Variants in PACRG observed in about 807,000 individuals in gnomAD.
PACRG encodes the protein parkin coregulated, also known as parkin coregulated gene protein.
In PACRG, 29 loss-of-function variants were observed where a neutral mutation model predicts 29.7. The ratio of observed to expected loss-of-function variants is 0.98; its 90% CI spans 0.73 to 1.33. The LOEUF is 1.33. Among genes scored for constraint, PACRG ranks in the 40% most tolerant of loss-of-function variants. The pLI is 0.00. For synonymous variants in PACRG, 116 were observed against 118.7 expected (o/e 0.98, Z 0.15); for missense variants, 279 against 316.2 (o/e 0.88, Z 0.89).
At chr6:162,784,503 T>C (rs1784313979) in intron 1 of PACRG, among the ~76,000 whole-genome samples, 1 of 152,182 alleles carries the variant, frequency 6.6e-6, no homozygotes, top group Non-Finnish European at 1.5e-5. Context: ...GCTTGTACTA[T>C]TTTCAGACAC....
chr6:162,759,312 T>C (rs1224084381), intron 1 of PACRG, among the ~76,000 whole-genome samples: 3 of 152,156 alleles, frequency 2.0e-5, no homozygotes, highest in Non-Finnish European at 4.4e-5. Flanking sequence ...GTGTGGGTAT[T>C]GGGCTAGAAT....
chr6:162,756,704 G>A (rs779435580), intron 1 of PACRG, among the ~76,000 whole-genome samples: 4 of 151,816 alleles, frequency 2.6e-5, no homozygotes, highest in Non-Finnish European at 5.9e-5. Context: ...TTTTATTGTT[G>A]TTTTGTAGTT....
chr6:162,918,728 G>A (rs545252220), intron 2 of PACRG, among the ~76,000 whole-genome samples: 1 of 152,260 alleles, frequency 6.6e-6, no homozygotes, highest in South Asian at 2.1e-4. Flanking sequence ...ATGTTCAGTT[G>A]ATTAATTTGG....
chr6:163,145,739 T>G (rs1032898926), intron 4 of PACRG, among the ~76,000 whole-genome samples: 1 of 152,104 alleles, frequency 6.6e-6, no homozygotes, highest in African/African-American at 2.4e-5. Flanking sequence ...GGCATGGAAG[T>G]TTTGGTTGTT....
chr6:162,851,080 G>A (rs1366338858), intron 2 of PACRG, among the ~76,000 whole-genome samples: 1 of 152,254 alleles, frequency 6.6e-6, no homozygotes, highest in Non-Finnish European at 1.5e-5. Flanking sequence ...TGCGGCGGCA[G>A]TGGGGTGAGA....
chr6:162,774,668 T>C (rs1213910162), intron 1 of PACRG, among the ~76,000 whole-genome samples: 3 of 152,218 alleles, frequency 2.0e-5, no homozygotes, highest in South Asian at 2.1e-4. Flanking sequence ...CCATCTCTAC[T>C]GTATTTAGTT....
chr6:163,077,869 G>T (rs562299), intron 3 of PACRG, among the ~76,000 whole-genome samples: 33,745 of 152,050 alleles, frequency 0.22, 4,493 homozygotes, highest in East Asian at 0.64. Context: ...CGCCCTGTAT[G>T]AACAGGGGAA....
chr6:163,114,004 C>A (rs890565880), intron 4 of PACRG, among the ~76,000 whole-genome samples: 6 of 152,178 alleles, frequency 3.9e-5, no homozygotes, highest in African/African-American at 1.2e-4. Context: ...GATCCCAACA[C>A]TTTGGGAGGC....
chr6:162,760,619 T>A (rs1414141251), intron 1 of PACRG, among the ~76,000 whole-genome samples: 2 of 151,758 alleles, frequency 1.3e-5, no homozygotes, highest in Non-Finnish European at 2.9e-5. Flanking sequence ...CACACGGAGG[T>A]CAGTGTGGCT....
intron 2 of PACRG, chr6:162,997,668 G>A (rs1468271023): frequency 4.2e-6 from 1 of 236,154 alleles, no homozygotes; most frequent in Non-Finnish European, 8.5e-6. Flanking sequence ...TCTTCAAAGT[G>A]GTGATTTCAG....
chr6:162,820,070 A>G (rs192700527), intron 2 of PACRG, among the ~76,000 whole-genome samples: 28 of 152,294 alleles, frequency 1.8e-4, no homozygotes, highest in Admixed American at 1.6e-3. Context: ...CTTTCCAATG[A>G]CTACTCATCC....
At chr6:163,079,377 G>A (rs914251323) in intron 3 of PACRG, among the ~76,000 whole-genome samples, 29 of 149,800 alleles carry the variant, frequency 1.9e-4, no homozygotes, top group Middle Eastern at 3.4e-3. Flanking sequence ...TCATTAGTGC[G>A]TATTACTTGG....
intron 2 of PACRG, among the ~76,000 whole-genome samples, chr6:162,964,944 G>A (rs1184858317): frequency 6.6e-6 from 1 of 152,192 alleles, no homozygotes; most frequent in Admixed American, 6.5e-5. Flanking sequence ...ACTTTGTACT[G>A]TAGTTATGTA....
intron 1 of PACRG, among the ~76,000 whole-genome samples, chr6:162,793,000 G>A (rs953739006): frequency 3.9e-5 from 6 of 152,138 alleles, no homozygotes; most frequent in Admixed American, 2.6e-4. Context: ...ACAGTAGGCT[G>A]GGGCTCAGCT....
At position 162,850,914 on chromosome 6, in the gene PACRG, C is replaced by T. The variant is rs76742106; in HGVS notation, c.291+36633C>T. On this transcript the variant is annotated intron_variant, in intron 2 of 4. Coordinates refer to ENST00000366888, the MANE Select transcript of PACRG (RefSeq NM_001080379.2). ...GGAGGGAGGAGACAGTCTTGCGGGCCTGAGCCCCCAGCCCAAGGGATCGGA... is the reference window on the plus strand; with the variant it reads ...GGAGGGAGGAGACAGTCTTGCGGGCTTGAGCCCCCAGCCCAAGGGATCGGA... 3.3e-4 allele frequency among the ~76,000 whole-genome samples: 50 copies of T among 152,314 alleles called. No homozygotes were observed. The East Asian group carries it at 9.3e-3, about 28-fold the overall frequency.
intron 2 of PACRG, among the ~76,000 whole-genome samples, chr6:162,938,961 A>T (rs1268918235): frequency 6.6e-6 from 1 of 151,964 alleles, no homozygotes; most frequent in African/African-American, 2.4e-5. Context: ...TTGTCTATTT[A>T]CTCTGCTGAC....
intron 2 of PACRG, among the ~76,000 whole-genome samples, chr6:162,906,875 T>C (rs1795970176): frequency 6.6e-6 from 1 of 152,182 alleles, no homozygotes; most frequent in South Asian, 2.1e-4. Flanking sequence ...GTTCATGTTA[T>C]GGGAAATGTG....
At chr6:162,881,084 T>C (rs2128014191) in intron 2 of PACRG, among the ~76,000 whole-genome samples, 1 of 152,344 alleles carries the variant, frequency 6.6e-6, no homozygotes, top group East Asian at 1.9e-4. Flanking sequence ...TATCAGGGAA[T>C]AAAACTGGAC....
At chr6:162,956,289 T>C (rs1229421587) in intron 2 of PACRG, among the ~76,000 whole-genome samples, 1 of 152,132 alleles carries the variant, frequency 6.6e-6, no homozygotes, top group Non-Finnish European at 1.5e-5. Context: ...AAGGTGGAGA[T>C]TATTTTCTTT....
Sources: gnomAD v4.1 joint callset for allele counts (sites outside exome capture counted in the v4.1 genomes callset) on GRCh38, gnomAD v4.1.1 for gene constraint, MANE v1.5 for transcripts, NCBI Gene and HGNC (gene_info 2026-07-23, HGNC 2026-07-21) for gene names.